Variants in ADCY9 observed in about 807,000 individuals in gnomAD.
ADCY9 encodes adenylate cyclase type 9.
Under a neutral mutation model 101.5 loss-of-function variants are expected in ADCY9, and 50 were observed. The observed-to-expected ratio is 0.49, with a 90% confidence interval of 0.39 to 0.62. The LOEUF is 0.62. Ranked by LOEUF, ADCY9 falls within the 20% of genes least tolerant of loss-of-function variation. The pLI is 0.00. For synonymous variants in ADCY9, 905 were observed against 769.3 expected, an observed-to-expected ratio of 1.18 and a Z score of -2.92; for missense variants, 1,662 against 1,800.4, an observed-to-expected ratio of 0.92 and a Z score of 1.39.
chr16:3,958,773 G>T (rs1011421398), downstream of ADCY9, among the ~76,000 whole-genome samples: 6 of 149,440 alleles, frequency 4.0e-5, no homozygotes, highest in Admixed American at 4.0e-4. Flanking sequence ...CTGGGTTCAA[G>T]CGATTCTCGT....
At chr16:4,018,970 T>TG (rs1555509543) in intron 2 of ADCY9, among the ~76,000 whole-genome samples, 108 of 149,482 alleles carry the variant, frequency 7.2e-4, no homozygotes, top group African/African-American at 2.3e-3. Flanking sequence ...TGTGTGTGTG[T>TG]TTTGTTTTGT....
chr16:4,041,925 T>TG lies in ADCY9; in HGVS notation c.1694-34368_1694-34367insC, dbSNP rs1386510392. Among the ~76,000 whole-genome samples, 13 of 143,328 alleles carry TG rather than the reference T, an allele frequency of 9.1e-5. No homozygotes were observed. The South Asian group carries it at 3.0e-3, about 34-fold the overall frequency. The allele number at this position is 143,328 out of a possible 152,430, so 94.0% of individuals were successfully genotyped here. On this transcript the variant is annotated intron_variant, in intron 2 of 10. Coordinates refer to ENST00000294016, the MANE Select transcript of ADCY9 (RefSeq NM_001116.4). The stretch of plus-strand genomic sequence containing the variant: ...TGCCACTGCCCCCAGCTAAGTTTTT[T>TG]TTTTTTTTTTTTTTTTGAGACGGAG...
At chr16:4,006,766 T>C (rs2056369875) in intron 3 of ADCY9, among the ~76,000 whole-genome samples, 1 of 152,130 alleles carries the variant, frequency 6.6e-6, no homozygotes, top group Non-Finnish European at 1.5e-5. Flanking sequence ...ACACCCAAGG[T>C]CGACCGCGCC....
chr16:4,103,799 C>G (rs1379036727), intron 2 of ADCY9, among the ~76,000 whole-genome samples: 1 of 152,088 alleles, frequency 6.6e-6, no homozygotes, highest in Non-Finnish European at 1.5e-5. Flanking sequence ...CCACTGCACT[C>G]CAGCCCGGGC....
chr16:4,044,951 T>C (rs2056652826), intron 2 of ADCY9, among the ~76,000 whole-genome samples: 1 of 152,148 alleles, frequency 6.6e-6, no homozygotes, highest in African/African-American at 2.4e-5. Context: ...GCCAACTCTT[T>C]ACGAGATGAG....
Position 3,990,311 on chromosome 16 carries a change from C to G in ADCY9, c.2208-1215G>C, listed in dbSNP as rs1031015623. On this transcript the variant is annotated intron_variant, in intron 5 of 10. Coordinates refer to ENST00000294016, the MANE Select transcript of ADCY9 (RefSeq NM_001116.4). ...TGAACCCCCGTTTCTACAAAAAATA[C>G]AAAAATTAGCCAGGCCTGGTGGCAG... Among the ~76,000 whole-genome samples, 5 of 152,142 alleles carry G rather than the reference C, an allele frequency of 3.3e-5. No homozygotes were observed. In the South Asian group the frequency reaches 1.0e-3, roughly 32 times the overall value.
intron 3 of ADCY9, among the ~76,000 whole-genome samples, chr16:4,006,270 CAT>C (rs1252680751): frequency 6.6e-6 from 1 of 151,094 alleles, no homozygotes; most frequent in African/African-American, 2.5e-5. Flanking sequence ...CCCCACAACA[CAT>C]GACTACCTGG....
Position 4,068,680 on chromosome 16 carries a change from G to C in ADCY9, c.1693+45070C>G, listed in dbSNP as rs567870403. 2.1e-3 allele frequency among the ~76,000 whole-genome samples: 320 copies of C among 152,186 alleles called. 1 individual carries two copies. The highest frequency in any genetic ancestry group is 2.9e-3 in the Non-Finnish European group (197 of 68,006). On this transcript the variant is annotated intron_variant, in intron 2 of 10. Transcript: ENST00000294016. ...ATACAAAAAAAAATTAGCTGGGCAT[G>C]GTGGCGGGCGCCTGTAGTCCCAGCT... is the stretch of plus-strand genomic sequence containing the variant.
intron 2 of ADCY9, among the ~76,000 whole-genome samples, chr16:4,027,806 G>C (rs1033955666): frequency 5.9e-5 from 9 of 151,918 alleles, no homozygotes; most frequent in African/African-American, 2.2e-4. Flanking sequence ...GAACCCAGGA[G>C]GCAGAGGTTG....
intron 3 of ADCY9, among the ~76,000 whole-genome samples, chr16:4,004,762 TG>T (rs751130592): frequency 3.9e-5 from 6 of 152,134 alleles, no homozygotes; most frequent in Non-Finnish European, 7.4e-5. Flanking sequence ...CTGAAGGGAC[TG>T]AGAATTTGGA....
intron 2 of ADCY9, among the ~76,000 whole-genome samples, chr16:4,053,698 G>A (rs376395944): frequency 0.023 from 3,486 of 151,282 alleles, 70 homozygotes; most frequent in Non-Finnish European, 0.034. Flanking sequence ...ACGGGGACCC[G>A]ATTGCAAAGC....
Position 4,073,456 on chromosome 16 carries a change from C to T in ADCY9, c.1693+40294G>A, listed in dbSNP as rs575218157. ...AGTTGCCCAGACTGGAATGCAATGGCGCGATCTCAGCTCACTGCAACCTCC... is the reference window on the plus strand; with the variant it reads ...AGTTGCCCAGACTGGAATGCAATGGTGCGATCTCAGCTCACTGCAACCTCC... On this transcript the variant is annotated intron_variant, in intron 2 of 10. Transcript: ENST00000294016. Among the ~76,000 whole-genome samples the T allele has an allele frequency of 1.1e-3, 159 of 151,208 alleles. 3 individuals carry two copies. The East Asian group carries it at 0.012, about 11-fold the overall frequency.
Position 4,097,543 on chromosome 16 carries a change from ATATATATATATTTT to A in ADCY9, c.1693+16193_1693+16206del, listed in dbSNP as rs1283006753. Among the ~76,000 whole-genome samples, 23 of 52,370 alleles carry A rather than the reference ATATATATATATTTT, an allele frequency of 4.4e-4. 2 individuals are homozygous for A. The highest frequency in any genetic ancestry group is 1.9e-3 in the African/African-American group (22 of 11,312). 34.4% of individuals were successfully genotyped at this position (52,370 alleles called of 152,430 possible). A position where few individuals can be genotyped will look rare whatever the true frequency, so the allele number is the denominator to read the frequency against. ...TACATATGTACATATATATATATAT[ATATATATATATTTT>A]TTTTTTTTTTTTTTAAGACAGAGTC... On this transcript the variant is annotated intron_variant, in intron 2 of 10. Transcript: ENST00000294016.
At chr16:3,984,176 A>T (rs1300420638) in intron 6 of ADCY9, 1 of 152,278 alleles carries the variant, frequency 6.6e-6, no homozygotes. Flanking sequence ...AAGATGAGTT[A>T]CTGACTGGCG....
At chr16:4,070,505 T>C (rs958062443) in intron 2 of ADCY9, among the ~76,000 whole-genome samples, 1 of 152,196 alleles carries the variant, frequency 6.6e-6, no homozygotes, top group Non-Finnish European at 1.5e-5. Flanking sequence ...AAACCTGGAA[T>C]GTCATTCCAC....
chr16:4,009,298 G>A (rs950312118), intron 2 of ADCY9, among the ~76,000 whole-genome samples: 4 of 152,178 alleles, frequency 2.6e-5, no homozygotes, highest in African/African-American at 4.8e-5. Context: ...TAGAGATAGG[G>A]TCTTGCTCTG....
chr16:4,074,319 T>C lies in ADCY9; in HGVS notation c.1693+39431A>G, dbSNP rs539954772. ...AGGCAGACTGATAAAAAATGTACTT[T>C]GTAAATTTCGGGCAATGACTTAAAA... On this transcript the variant is annotated intron_variant, in intron 2 of 10. Coordinates refer to ENST00000294016, the MANE Select transcript of ADCY9 (RefSeq NM_001116.4). Among the ~76,000 whole-genome samples, 116 of 152,010 alleles carry C rather than the reference T, an allele frequency of 7.6e-4. 1 individual carries two copies. Among genetic ancestry groups the C allele is most frequent in the Non-Finnish European group, 1.8e-4 (12 of 67,978 alleles).
intron 2 of ADCY9, among the ~76,000 whole-genome samples, chr16:4,009,658 G>A (rs1015228143): frequency 1.3e-5 from 2 of 152,202 alleles, no homozygotes; most frequent in East Asian, 3.9e-4. Context: ...AATCACGACT[G>A]TAACATGTAT....
rs757423449 is a variant in ADCY9, at chr16:3,966,876, AAAG to A, written c.2958_2960del (p.Phe987del). ...GGAACCAGACCAACAAGAGCAGGAG[AAAG>A]AAGACGAGAACCACCTCCTGGCCGA... is the stretch of plus-strand genomic sequence containing the variant. On this transcript the variant is annotated inframe_deletion, in exon 11 of 11. Transcript: ENST00000294016. The A allele has an allele frequency of 3.1e-6, 5 of 1,614,042 alleles. No individual in the cohort carries two copies. Among genetic ancestry groups the A allele is most frequent in the Non-Finnish European group, 4.2e-6 (5 of 1,180,048 alleles).
Sources: gnomAD v4.1 joint callset for allele counts (sites outside exome capture counted in the v4.1 genomes callset) on GRCh38, gnomAD v4.1.1 for gene constraint, MANE v1.5 for transcripts, NCBI Gene and HGNC (gene_info 2026-07-23, HGNC 2026-07-21) for gene names.